PSTPIP1: variants seen among roughly 807,000 people sequenced by gnomAD.
PSTPIP1 encodes proline-serine-threonine phosphatase interacting protein 1.
A neutral mutation model predicts 69.6 loss-of-function variants in PSTPIP1; 66 were observed. The ratio of observed to expected loss-of-function variants is 0.95; its 90% CI spans 0.78 to 1.16. The LOEUF (loss-of-function observed/expected upper bound fraction) is 1.16, where lower values mean the gene tolerates loss of function less well. PSTPIP1 is among the 50% of genes most tolerant of loss of function. The pLI, the probability that PSTPIP1 is intolerant of heterozygous loss-of-function variation, is 0.00. For synonymous variants in PSTPIP1, 266 were observed against 222.7 expected, an observed-to-expected ratio of 1.19 and a Z score of -1.73; for missense variants, 603 against 557.4, an observed-to-expected ratio of 1.08 and a Z score of -0.82.
At chr15:77,010,964 T>C (rs1360527491) in intron 1 of PSTPIP1, among the ~76,000 whole-genome samples, 1 of 152,138 alleles carries the variant, frequency 6.6e-6, no homozygotes, top group East Asian at 1.9e-4. Context: ...CTTTTCTGCA[T>C]GTTTTGGTTT....
In PSTPIP1 at chr15:77,031,446, C is replaced by T. The variant is rs912204957; in HGVS notation, c.741+168C>T. ...AGCCTTTGCCCCCAGAACCCCAAGA[C>T]AGGAGCTCAGTACCACACAGGGCCA... is the stretch of plus-strand genomic sequence containing the variant. On this transcript the variant is annotated intron_variant, in intron 10 of 14. Transcript: ENST00000558012. The T allele has an allele frequency of 3.2e-6, 2 of 617,540 alleles. 1 individual carries two copies. The highest frequency in any genetic ancestry group is 3.6e-5 in the South Asian group (2 of 55,948). 38.3% of individuals were successfully genotyped at this position (617,540 alleles called of 1,614,324 possible).
intron 1 of PSTPIP1, among the ~76,000 whole-genome samples, chr15:77,004,687 TAAA>T (rs71143383): frequency 7.0e-6 from 1 of 142,678 alleles, no homozygotes; most frequent in Non-Finnish European, 1.5e-5. Flanking sequence ...AACCACTTCT[TAAA>T]AAAAAAAAAA....
At position 77,030,490 on chromosome 15, in the gene PSTPIP1, C is replaced by T; in HGVS notation, c.563-12C>T. 1 of 1,611,250 alleles carries T rather than the reference C, an allele frequency of 6.2e-7. No homozygotes were observed. The highest frequency in any genetic ancestry group is 8.5e-7 in the Non-Finnish European group (1 of 1,179,206). On this transcript the variant is annotated splice_polypyrimidine_tract_variant and intron_variant, in intron 8 of 14. Transcript: ENST00000558012. ...GTGTCAGGGCCCTCCCTGAGGCTGC[C>T]TGCGCTTTCAGAGCGGGTATACAGG...
Position 77,021,730 on chromosome 15 carries a change from A to G in PSTPIP1, c.212+3199A>G, listed in dbSNP as rs74702623. Among the ~76,000 whole-genome samples, 1,172 of 152,252 alleles carry G rather than the reference A, an allele frequency of 7.7e-3. 13 individuals carry two copies. The highest frequency in any genetic ancestry group is 0.027 in the African/African-American group (1,128 of 41,540). On this transcript the variant is annotated intron_variant, in intron 3 of 14. Coordinates refer to ENST00000558012, the MANE Select transcript of PSTPIP1 (RefSeq NM_003978.5). Reference sequence around the variant, plus strand: ...CAGGGGGCTTACCAACATTGCTGACATCACATGTCCAGCCCTGCAGAGACT... The same window carrying G: ...CAGGGGGCTTACCAACATTGCTGACGTCACATGTCCAGCCCTGCAGAGACT...
chr15:77,024,710 G>A (rs2076235307), intron 3 of PSTPIP1, among the ~76,000 whole-genome samples: 1 of 148,202 alleles, frequency 6.7e-6, no homozygotes, highest in Non-Finnish European at 1.5e-5. Flanking sequence ...TGCCTCCTAT[G>A]CGCAGTGCTG....
chr15:77,009,247 A>G (rs901633460), intron 1 of PSTPIP1, among the ~76,000 whole-genome samples: 2 of 152,134 alleles, frequency 1.3e-5, no homozygotes, highest in East Asian at 3.9e-4. Flanking sequence ...AGGATGGCAG[A>G]GAGAGCCAAA....
chr15:77,007,971 C>T (rs1053060630), intron 1 of PSTPIP1: 2 of 455,720 alleles, frequency 4.4e-6, no homozygotes, highest in Admixed American at 4.7e-5. Context: ...AACAATTGCC[C>T]ATTGACCTGG....
At position 77,032,389 on chromosome 15, in the gene PSTPIP1, C is replaced by T. The variant is rs2076441747; in HGVS notation, c.833C>T (p.Pro278Leu). The change falls in exon 11 of 15, where the codon CCC becomes CTC. Residue 278 changes from proline to leucine, a missense_variant. By Grantham distance (98) the Pro-to-Leu change is moderately conservative. Transcript: ENST00000558012. ...CAGGCCAAGAGCACGGGCACAGAGCCCCCCGGTGAGGTCCGGCTTGCGGAC... is the reference window on the plus strand; with the variant it reads ...CAGGCCAAGAGCACGGGCACAGAGCTCCCCGGTGAGGTCCGGCTTGCGGAC... ...FIQAKSTGTE[P>L]PAPVPYQNYY... 1.2e-6 allele frequency: 2 copies of T among 1,612,676 alleles called. No homozygotes were observed. The highest frequency in any genetic ancestry group is 1.1e-5 in the South Asian group (1 of 91,090).
chr15:76,998,527 A>T (rs551878618), intron 1 of PSTPIP1, among the ~76,000 whole-genome samples: 1 of 152,320 alleles, frequency 6.6e-6, no homozygotes, highest in South Asian at 2.1e-4. Flanking sequence ...GAGCTTGGTC[A>T]TGGGGTCTTT....
intron 3 of PSTPIP1, among the ~76,000 whole-genome samples, chr15:77,021,748 C>T (rs2076165994): frequency 6.6e-6 from 1 of 152,224 alleles, no homozygotes; most frequent in Non-Finnish European, 1.5e-5. Context: ...TCCAGCCCTG[C>T]AGAGACTTTG....
chr15:77,014,318 G>C (rs561638035), intron 1 of PSTPIP1, among the ~76,000 whole-genome samples: 138 of 152,200 alleles, frequency 9.1e-4, no homozygotes, highest in African/African-American at 3.2e-3. Context: ...CTTGCTTCTC[G>C]GGTCACCTCT....
chr15:76,999,652 C>T (rs962482659), intron 1 of PSTPIP1: 3 of 152,146 alleles, frequency 2.0e-5, no homozygotes, highest in African/African-American at 7.2e-5. Context: ...CACGCTGGAC[C>T]CCTGAGCTTC....
intron 10 of PSTPIP1, 96 bp downstream of exon 10, chr15:77,031,374 C>G: frequency 1.5e-6 from 2 of 1,328,286 alleles, no homozygotes; most frequent in Non-Finnish European, 2.1e-6. Context: ...GCACCTGGTC[C>G]TCTGTGATCC....
intron 14 of PSTPIP1, among the ~76,000 whole-genome samples, chr15:77,036,631 G>A (rs1269198399): frequency 6.6e-6 from 1 of 152,148 alleles, no homozygotes; most frequent in Non-Finnish European, 1.5e-5. Context: ...GCTCGGGGAG[G>A]CAGGGAAGCC....
intron 1 of PSTPIP1, among the ~76,000 whole-genome samples, chr15:77,017,326 CAGTGAGAA>C (rs1330880786): frequency 3.3e-5 from 5 of 152,200 alleles, no homozygotes; most frequent in African/African-American, 1.2e-4. Context: ...ATCCACTGCA[CAGTGAGAA>C]AGGAGAATTG....
chr15:77,003,429 G>A (rs946901343), intron 1 of PSTPIP1, among the ~76,000 whole-genome samples: 23 of 152,154 alleles, frequency 1.5e-4, no homozygotes, highest in Non-Finnish European at 3.2e-4. Context: ...CGAGGCGGGT[G>A]GATCATCTGA....
chr15:77,031,936 G>C (rs1350451265), intron 10 of PSTPIP1, among the ~76,000 whole-genome samples: 2 of 152,108 alleles, frequency 1.3e-5, no homozygotes, highest in Non-Finnish European at 2.9e-5. Flanking sequence ...TCGCCTCCTT[G>C]AGGTAGAAGG....
chr15:77,000,978 T>G (rs946235393), intron 1 of PSTPIP1, among the ~76,000 whole-genome samples: 2 of 152,160 alleles, frequency 1.3e-5, no homozygotes, highest in African/African-American at 2.4e-5. Context: ...CACCCTCCCC[T>G]TTTTTTAGCG....
intron 3 of PSTPIP1, among the ~76,000 whole-genome samples, chr15:77,022,850 G>C (rs1271819395): frequency 6.6e-6 from 1 of 152,212 alleles, no homozygotes; most frequent in East Asian, 1.9e-4. Flanking sequence ...AGAGGGGCCT[G>C]GAGGGGCCAA....
Sources: allele counts gnomAD v4.1 joint callset (sites outside exome capture counted in the v4.1 genomes callset), GRCh38; gene constraint gnomAD v4.1.1; transcripts MANE v1.5; gene names NCBI Gene and HGNC (gene_info 2026-07-23, HGNC 2026-07-21).